The following GNAS-AS1 variants were observed in gnomAD, a reference collection of about 807,000 sequenced individuals.
The protein encoded by GNAS-AS1 is GNAS antisense RNA 1, also known as GNAS antisense RNA 1 (non-protein coding).
intron 4 of GNAS-AS1, chr20:58,824,017 G>C: frequency 2.5e-6 from 1 of 398,694 alleles, no homozygotes; most frequent in East Asian, 3.6e-5. Context: ...TACAGAGAAA[G>C]GCTTCATTTT....
intron 4 of GNAS-AS1, among the ~76,000 whole-genome samples, chr20:58,838,281 A>G (rs1412668752): frequency 6.6e-6 from 1 of 152,176 alleles, no homozygotes; most frequent in Non-Finnish European, 1.5e-5. Flanking sequence ...CTCCTCCTGT[A>G]GGCCATCATT....
intron 2 of GNAS-AS1, among the ~76,000 whole-genome samples, chr20:58,845,286 A>T (rs769104902): frequency 2.0e-5 from 3 of 152,224 alleles, no homozygotes; most frequent in Non-Finnish European, 4.4e-5. Context: ...TAGAAGCTAC[A>T]GCTATTTGAG....
chr20:58,841,846 G>A lies in GNAS-AS1; in HGVS notation n.819+91C>T. On this transcript the variant is annotated intron_variant and non_coding_transcript_variant, in intron 4 of 4. Coordinates refer to ENST00000424094, the Ensembl canonical transcript of GNAS-AS1. This position sits in a 1 kb window ranked among gnomAD's most constrained non-coding sequence, Gnocchi z 5.0. ...CTGGGCTGTTTGCGCAGGACCTCTG[G>A]AGGCCCTCGAGATCGTCGCAAGTGG... The A allele has an allele frequency of 8.1e-7, 1 of 1,231,042 alleles. No homozygotes were observed. Among genetic ancestry groups the A allele is most frequent in the Non-Finnish European group, 1.0e-6 (1 of 987,984 alleles). 76.3% of individuals were successfully genotyped at this position (1,231,042 alleles called of 1,614,324 possible). A position where few individuals can be genotyped will look rare whatever the true frequency, so the allele number is the denominator to read the frequency against.
chr20:58,825,225 A>G (rs940823027), intron 4 of GNAS-AS1, among the ~76,000 whole-genome samples: 1 of 152,160 alleles, frequency 6.6e-6, no homozygotes, highest in Non-Finnish European at 1.5e-5. Context: ...AACTCTTCCT[A>G]CCTCTCCTTA....
chr20:58,830,926 C>T (rs902898871), intron 4 of GNAS-AS1, among the ~76,000 whole-genome samples: 3 of 152,022 alleles, frequency 2.0e-5, no homozygotes, highest in African/African-American at 7.2e-5. Context: ...AGAGAAAAGA[C>T]ATTAGAGAAA....
intron 2 of GNAS-AS1, chr20:58,844,120 C>T (rs916158531): frequency 2.6e-5 from 4 of 152,074 alleles, no homozygotes; most frequent in African/African-American, 4.8e-5. Flanking sequence ...CATGGATTTA[C>T]CTCAATTATC....
At chr20:58,848,086 C>G (rs2086004349) in intron 2 of GNAS-AS1, among the ~76,000 whole-genome samples, 1 of 152,232 alleles carries the variant, frequency 6.6e-6, no homozygotes, top group African/African-American at 2.4e-5. Context: ...TGTTTGCCAC[C>G]TGTGGCACCT....
At chr20:58,833,531 T>C (rs2085581271) in intron 4 of GNAS-AS1, among the ~76,000 whole-genome samples, 1 of 152,126 alleles carries the variant, frequency 6.6e-6, no homozygotes, top group Non-Finnish European at 1.5e-5. Flanking sequence ...GGAGGTGACC[T>C]TGTAGACCAA....
chr20:58,828,538 C>T (rs1157194601), intron 4 of GNAS-AS1, among the ~76,000 whole-genome samples: 2 of 152,196 alleles, frequency 1.3e-5, no homozygotes, highest in Non-Finnish European at 2.9e-5. Flanking sequence ...GCCTCAGTTT[C>T]CTTACTTGTA....
chr20:58,840,848 A>T lies in GNAS-AS1; in HGVS notation n.819+1089T>A, dbSNP rs1208964733. ...CATCCCCATCCGGCGTCACTAATGG[A>T]GGACGCCGTCCAGATTCTCCTTGTT... On this transcript the variant is annotated intron_variant and non_coding_transcript_variant, in intron 4 of 4. Transcript: ENST00000424094. This position sits in a 1 kb window ranked among gnomAD's most constrained non-coding sequence, Gnocchi z 6.0. 9.9e-6 allele frequency: 16 copies of T among 1,612,222 alleles called. No individual in the cohort carries two copies. The highest frequency in any genetic ancestry group is 1.3e-5 in the Non-Finnish European group (15 of 1,179,500).
rs1408655246 is a variant in GNAS-AS1 at position 58,840,793 on chromosome 20, G to C, written n.819+1144C>G. The C allele has an allele frequency of 1.2e-6, 2 of 1,611,978 alleles. No individual in the cohort carries two copies. The highest frequency in any genetic ancestry group is 1.7e-5 in the Admixed American group (1 of 60,022). On this transcript the variant is annotated intron_variant and non_coding_transcript_variant, in intron 4 of 4. Coordinates refer to ENST00000424094, the Ensembl canonical transcript of GNAS-AS1. This position sits in a 1 kb window ranked among gnomAD's most constrained non-coding sequence, Gnocchi z 6.0. ...CAAAGAAGCCCACCCGCCGTGACGC[G>C]TCCCCGGAGTCCCCTTCCAAAAAGG...
At chr20:58,837,279 C>G (rs1206805475) in intron 4 of GNAS-AS1, among the ~76,000 whole-genome samples, 1 of 152,154 alleles carries the variant, frequency 6.6e-6, no homozygotes, top group Non-Finnish European at 1.5e-5. Flanking sequence ...TCAGTGTAGG[C>G]AGACTCTCTG....
At position 58,841,614 on chromosome 20, in the gene GNAS-AS1, C is replaced by CCG. The variant is rs1316526017; in HGVS notation, n.819+321_819+322dup. 1.9e-6 allele frequency: 2 copies of CCG among 1,046,948 alleles called. No homozygotes were observed. Among genetic ancestry groups the CCG allele is most frequent in the Non-Finnish European group, 2.3e-6 (2 of 870,342 alleles). The allele number at this position is 1,046,948 out of a possible 1,614,324, so 64.9% of individuals were successfully genotyped here. A position where few individuals can be genotyped will look rare whatever the true frequency, so the allele number is the denominator to read the frequency against. On this transcript the variant is annotated intron_variant and non_coding_transcript_variant, in intron 4 of 4. Coordinates refer to ENST00000424094, the Ensembl canonical transcript of GNAS-AS1. The surrounding 1 kb of genome is among the most constrained non-coding windows in gnomAD (Gnocchi z 5.0). The stretch of plus-strand genomic sequence containing the variant: ...CGCCTCAAAGAGCGTGCGCACCTGC[C>CCG]CGCGCGCGCCGGAGCTGACCTCTCC...
intron 4 of GNAS-AS1, chr20:58,839,490 C>T (rs1305101958): frequency 1.5e-5 from 6 of 402,024 alleles, no homozygotes; most frequent in Non-Finnish European, 2.6e-5. Context: ...CCTGCGCCCA[C>T]CTGCCCAAGT....
rs891253480 is a variant in GNAS-AS1 at position 58,842,328 on chromosome 20, G to A, written n.527-99C>T. 2.8e-5 allele frequency: 11 copies of A among 397,650 alleles called. No homozygotes were observed. The Middle Eastern group carries it at 1.9e-3, about 67-fold the overall frequency. The allele number at this position is 397,650 out of a possible 1,614,324, so 24.6% of individuals were successfully genotyped here. ...TCATTTTGCGCCGGCTTAATTATAC[G>A]GATGACAACGATTTGGAGGAATAGT... On this transcript the variant is annotated intron_variant and non_coding_transcript_variant, in intron 3 of 4. Transcript: ENST00000424094.
At chr20:58,830,692 A>G (rs1293822140) in intron 4 of GNAS-AS1, among the ~76,000 whole-genome samples, 1 of 141,576 alleles carries the variant, frequency 7.1e-6, no homozygotes, top group Non-Finnish European at 1.6e-5. Flanking sequence ...TACCATCACA[A>G]CCACCACTAC....
intron 4 of GNAS-AS1, among the ~76,000 whole-genome samples, chr20:58,829,684 C>A (rs2085541722): frequency 6.6e-6 from 1 of 152,224 alleles, no homozygotes; most frequent in African/African-American, 2.4e-5. Context: ...GCTCACCCTT[C>A]AGTTCTCAGC....
At chr20:58,819,235 C>T in exon 5 of GNAS-AS1, 1 of 398,578 alleles carries the variant, frequency 2.5e-6, no homozygotes, top group East Asian at 3.6e-5. Context: ...TTCCAGGGAC[C>T]CTTGGAAGCA....
chr20:58,841,676 A>G lies in GNAS-AS1; in HGVS notation n.819+261T>C, dbSNP rs55995056. 0.15 allele frequency: 174,495 copies of G among 1,168,290 alleles called. 13,581 individuals are homozygous for G. The highest frequency in any genetic ancestry group is 0.16 in the Non-Finnish European group (149,751 of 947,390). The allele number at this position is 1,168,290 out of a possible 1,614,324, so 72.4% of individuals were successfully genotyped here. Reference sequence around the variant, plus strand: ...GGTTAGGGGAAAGTACCTGGGGGAAAGGTAGAGGAGGTAAGGGGACCCTTG... The same window carrying G: ...GGTTAGGGGAAAGTACCTGGGGGAAGGGTAGAGGAGGTAAGGGGACCCTTG... On this transcript the variant is annotated intron_variant and non_coding_transcript_variant, in intron 4 of 4. Transcript: ENST00000424094. The surrounding 1 kb of genome is among the most constrained non-coding windows in gnomAD (Gnocchi z 5.0).
Sources: gnomAD v4.1 joint callset for allele counts (sites outside exome capture counted in the v4.1 genomes callset) on GRCh38, gnomAD v4.1.1 for gene constraint, Gnocchi (gnomAD v3.1) non-coding constraint, MANE v1.5 for transcripts, NCBI Gene and HGNC (gene_info 2026-07-23, HGNC 2026-07-21) for gene names.